UBE3A: variants seen among roughly 807,000 people sequenced by gnomAD.
UBE3A encodes ubiquitin protein ligase E3A.
UBE3A carries 6 observed loss-of-function variants against 83.4 expected under a neutral mutation model. The ratio of observed to expected loss-of-function variants is 0.07; its 90% CI spans 0.04 to 0.14. The LOEUF is 0.14. UBE3A is among the 10% of genes least tolerant of loss of function. UBE3A has a pLI of 1.00. For missense variants in UBE3A, 456 were observed against 1,036.1 expected (o/e 0.44, Z 7.69); for synonymous variants, 337 against 355.4 (o/e 0.95, Z 0.58).
intron 11 of UBE3A, among the ~76,000 whole-genome samples, chr15:25,347,884 T>G (rs1407436498): frequency 2.0e-5 from 3 of 152,084 alleles, no homozygotes; most frequent in African/African-American, 7.2e-5. Flanking sequence ...ATAATTACCT[T>G]AAATATAAAT....
chr15:25,354,150 T>C (rs1350800029), intron 11 of UBE3A: 2 of 617,406 alleles, frequency 3.2e-6, no homozygotes, highest in Non-Finnish European at 5.7e-6. Flanking sequence ...GAGACTTATA[T>C]ATAACAACAC....
At chr15:25,375,896 A>G (rs1326519634) in intron 4 of UBE3A, 133 bp from the exon 5 acceptor site, 5 of 934,098 alleles carry the variant, frequency 5.4e-6, no homozygotes, top group East Asian at 5.2e-5. Flanking sequence ...GAAGTAGAAA[A>G]TGGAGATGCA....
intron 1 of UBE3A, among the ~76,000 whole-genome samples, chr15:25,437,027 G>A (rs933066569): frequency 6.6e-6 from 1 of 152,048 alleles, no homozygotes; most frequent in African/African-American, 2.4e-5. Flanking sequence ...TTTCTCCTGT[G>A]TATATTATAA....
At chr15:25,376,175 G>A (rs1046922033) in intron 4 of UBE3A, among the ~76,000 whole-genome samples, 6 of 152,116 alleles carry the variant, frequency 3.9e-5, no homozygotes, top group South Asian at 2.1e-4. Context: ...GCATCAATCC[G>A]GTTTTCTTTT....
At chr15:25,364,443 C>G (rs2078681844) in intron 6 of UBE3A, among the ~76,000 whole-genome samples, 2 of 151,970 alleles carry the variant, frequency 1.3e-5, no homozygotes, top group African/African-American at 2.4e-5. Flanking sequence ...TACATAATAG[C>G]TATATTATTT....
chr15:25,411,574 A>G (rs1200215182), intron 2 of UBE3A, among the ~76,000 whole-genome samples: 1 of 152,216 alleles, frequency 6.6e-6, no homozygotes, highest in Admixed American at 6.5e-5. Flanking sequence ...TGGGCAACAG[A>G]GCAAGACTCT....
At chr15:25,435,386 A>G (rs973561585) in intron 1 of UBE3A, among the ~76,000 whole-genome samples, 23 of 152,156 alleles carry the variant, frequency 1.5e-4, no homozygotes, top group African/African-American at 5.1e-4. Flanking sequence ...TTAGTTGATC[A>G]TTTACTGATT....
intron 6 of UBE3A, among the ~76,000 whole-genome samples, chr15:25,364,240 G>C: frequency 6.6e-6 from 1 of 151,762 alleles, no homozygotes; most frequent in Non-Finnish European, 1.5e-5. Flanking sequence ...AGTAAAAACA[G>C]AATACATAAA....
chr15:25,355,982 C>T lies in UBE3A; in HGVS notation c.2034G>A (p.Gln678=). The T allele has an allele frequency of 1.9e-6, 3 of 1,613,774 alleles. No homozygotes were observed. The highest frequency in any genetic ancestry group is 2.5e-6 in the Non-Finnish European group (3 of 1,179,824). Residue 678 remains glutamine, a synonymous_variant, in exon 9 of 13, where the codon CAG becomes CAA. Transcript: ENST00000648336. ...TACCAAAAAGATCTGTCTGTGATAT[C>T]TGGAAAGTGATCATCATGTCATCTT... ...NVEDDMMITF[Q]ISQTDLFGNP... is the part of the protein sequence containing the mutation.
At chr15:25,412,396 A>G (rs1438384044) in intron 1 of UBE3A, among the ~76,000 whole-genome samples, 1 of 152,216 alleles carries the variant, frequency 6.6e-6, no homozygotes, top group Non-Finnish European at 1.5e-5. Flanking sequence ...TTTCTAGAGT[A>G]GCAGCCTTGG....
intron 4 of UBE3A, among the ~76,000 whole-genome samples, chr15:25,403,766 A>G (rs1163098589): frequency 6.6e-6 from 1 of 152,202 alleles, no homozygotes; most frequent in East Asian, 1.9e-4. Flanking sequence ...AACATTATTC[A>G]GCCTGAAAAA....
intron 7 of UBE3A, among the ~76,000 whole-genome samples, chr15:25,358,802 T>C (rs1284747777): frequency 6.6e-6 from 1 of 152,186 alleles, no homozygotes; most frequent in Non-Finnish European, 1.5e-5. Context: ...CATATTTGAG[T>C]TTCATGGTTT....
Position 25,333,882 on chromosome 15 carries a change from A to AC in UBE3A, c.*5254dup, listed in dbSNP as rs1197211820. Reference sequence around the variant, plus strand: ...TGATACAGAAGAAGCATTTAACAAAACCCACAGCCCCTCCTTTTTTTTTTT... The same window carrying AC: ...TGATACAGAAGAAGCATTTAACAAAACCCCACAGCCCCTCCTTTTTTTTTTT... On this transcript the variant is annotated 3_prime_UTR_variant, in exon 13 of 13. Transcript: ENST00000648336. The AC allele has an allele frequency of 4.9e-5, 7 of 142,606 alleles. No individual in the cohort carries two copies. The highest frequency in any genetic ancestry group is 1.7e-4 in the African/African-American group (6 of 34,876). The allele number at this position is 142,606 out of a possible 1,614,324, so 8.8% of individuals were successfully genotyped here.
At chr15:25,339,807 G>A (rs1158982909) in intron 12 of UBE3A, 7 of 455,754 alleles carry the variant, frequency 1.5e-5, no homozygotes, top group Admixed American at 3.4e-5. Context: ...ATGTTATATG[G>A]CTTTCAATTA....
intron 11 of UBE3A, among the ~76,000 whole-genome samples, chr15:25,350,109 AT>A (rs1369295725): frequency 6.6e-6 from 1 of 152,176 alleles, no homozygotes; most frequent in Non-Finnish European, 1.5e-5. Flanking sequence ...CTACAAAAAA[AT>A]AACCAACTAA....
intron 4 of UBE3A, among the ~76,000 whole-genome samples, chr15:25,400,514 T>A (rs959093796): frequency 1.1e-4 from 17 of 152,258 alleles, no homozygotes; most frequent in African/African-American, 4.1e-4. Context: ...TTGGTTCAAT[T>A]TGCAAATGCA....
At chr15:25,433,240 G>A (rs1352095812) in intron 1 of UBE3A, among the ~76,000 whole-genome samples, 2 of 149,556 alleles carry the variant, frequency 1.3e-5, no homozygotes, top group Admixed American at 1.3e-4. Context: ...TCGCCAGGCA[G>A]TAGCATGATC....
chr15:25,426,270 C>A (rs1302049412), intron 1 of UBE3A, among the ~76,000 whole-genome samples: 1 of 152,156 alleles, frequency 6.6e-6, no homozygotes, highest in Non-Finnish European at 1.5e-5. Flanking sequence ...GGCTTTTAAT[C>A]ATAAAGCATT....
intron 1 of UBE3A, among the ~76,000 whole-genome samples, chr15:25,430,099 AT>A (rs1319462549): frequency 1.1e-5 from 1 of 91,604 alleles, no homozygotes; most frequent in Admixed American, 1.4e-4. Context: ...TTATATATAT[AT>A]TATATATATA....
Sources: gnomAD v4.1 joint callset for allele counts (sites outside exome capture counted in the v4.1 genomes callset) on GRCh38, gnomAD v4.1.1 for gene constraint, MANE v1.5 for transcripts, NCBI Gene and HGNC (gene_info 2026-07-23, HGNC 2026-07-21) for gene names.